DUOX2: variants seen among roughly 807,000 people sequenced by gnomAD.
DUOX2 encodes NADH/NADPH thyroid oxidase p138-tox.
DUOX2 carries 185 observed loss-of-function variants against 183.3 expected under a neutral mutation model. That is an observed-to-expected ratio of 1.01 (90% confidence interval 0.90 to 1.14). The LOEUF (loss-of-function observed/expected upper bound fraction) is 1.14. DUOX2 is among the 50% of genes most tolerant of loss of function. The pLI, the probability that DUOX2 is intolerant of heterozygous loss-of-function variation, is 0.00. For synonymous variants in DUOX2, 788 were observed against 812.4 expected (o/e 0.97, Z 0.51); for missense variants, 1,999 against 2,022.9 (o/e 0.99, Z 0.23).
At chr15:45,094,775 G>T in intron 32 of DUOX2, 84 bp from the exon 33 acceptor site, 2 of 1,601,212 alleles carry the variant, frequency 1.2e-6, no homozygotes, top group South Asian at 2.2e-5. Context: ...AAGAGACAGA[G>T]AATGGGGAGG....
At chr15:45,100,491 T>A (rs889702369) in intron 23 of DUOX2, 2 of 610,138 alleles carry the variant, frequency 3.3e-6, no homozygotes, top group Non-Finnish European at 5.8e-6. Context: ...AGCACAGGCC[T>A]CAAGGCTGTG....
At chr15:45,101,753 GC>G (rs528107598) in intron 21 of DUOX2, 39 bp downstream of exon 21, 35 of 1,613,118 alleles carry the variant, frequency 2.2e-5, no homozygotes, top group African/African-American at 8.0e-5. Flanking sequence ...TTGAGGACAC[GC>G]CCCCCCTCCC....
chr15:45,106,290 G>A lies in DUOX2; in HGVS notation c.1983C>T (p.Pro661=). Residue 661 remains proline (P), a synonymous_variant, in exon 17 of 34, where the codon CCC becomes CCT. Transcript: ENST00000389039. ...TGTCTGACAGCAGCTGGATGATGAT[G>A]GGACTGCTCCTCTCCTTGGGGCCTG... ...EWPGPKERSS[P]IIIQLLSDRC... 6.2e-7 allele frequency: 1 copy of A among 1,614,152 alleles called. No homozygotes were observed. Among genetic ancestry groups the A allele is most frequent in the East Asian group, 2.2e-5 (1 of 44,866 alleles).
At chr15:45,105,063 T>C (rs1894178372) in intron 18 of DUOX2, among the ~76,000 whole-genome samples, 2 of 152,180 alleles carry the variant, frequency 1.3e-5, no homozygotes, top group African/African-American at 4.8e-5. Context: ...TTAGGTGATC[T>C]GCCCGCCTCA....
rs1402755021 is a variant in DUOX2, at chr15:45,106,808, CAG to C, written c.1831+22_1831+23del. On this transcript the variant is annotated intron_variant, in intron 15 of 33. Transcript: ENST00000389039. ...GGAAATGAGGGGCAGGGCCAGTCTG[CAG>C]AGAGGCTGCCTAAGAGCTCACCTAA... The C allele has an allele frequency of 1.9e-6, 3 of 1,598,164 alleles. No homozygotes were observed. In the East Asian group the frequency reaches 6.7e-5, roughly 36 times the overall value.
rs534761568 is a variant in DUOX2 at position 45,112,846 on chromosome 15, C to T, written c.161-128G>A. ...GAACCTTCCCTCAAGGGTCTCTTGGCCCCGGGAGCGCATAAGATTGCGCTG... is the reference window on the plus strand; with the variant it reads ...GAACCTTCCCTCAAGGGTCTCTTGGTCCCGGGAGCGCATAAGATTGCGCTG... On this transcript the variant is annotated intron_variant, in intron 3 of 33. Transcript: ENST00000389039. 2.1e-5 allele frequency: 32 copies of T among 1,551,036 alleles called. No individual in the cohort carries two copies. In the East Asian group the frequency reaches 5.9e-4, roughly 28 times the overall value.
chr15:45,108,985 TG>T, intron 11 of DUOX2, 33 bp from the exon 12 acceptor site: 1 of 1,613,378 alleles, frequency 6.2e-7, no homozygotes, highest in Non-Finnish European at 8.5e-7. Context: ...CTATGGGCTT[TG>T]TCCTCTCCAT....
rs1894271145 is a variant in DUOX2 at position 45,108,057 on chromosome 15, T to C, written c.1564A>G (p.Thr522Ala). The change falls in exon 13 of 34, where the codon ACC becomes GCC. Residue 522 changes from threonine (T) to alanine (A), a missense_variant. By Grantham distance (58) the Thr-to-Ala change is moderately conservative. This residue lies in a region of DUOX2 where 1,628 missense variants were observed against 1,608.6 expected (regional missense o/e 1.01). Transcript: ENST00000389039. Reference protein sequence around the residue: ...RDGDRYWFENTRNGLFSKKEI... With the variant: ...RDGDRYWFENARNGLFSKKEI... ...CCAGGCAAGCCTTACCCATTCCTGG[T>C]GTTCTCAAACCAGTAGCGGTCACCA... is the stretch of plus-strand genomic sequence containing the variant. 3 of 1,613,876 alleles carry C rather than the reference T, an allele frequency of 1.9e-6. No homozygotes were observed. Among genetic ancestry groups the C allele is most frequent in the African/African-American group, 1.3e-5 (1 of 74,920 alleles).
At chr15:45,113,887 C>G (rs1894526796) in intron 1 of DUOX2, 86 bp downstream of exon 1, 1 of 205,580 alleles carries the variant, frequency 4.9e-6, no homozygotes, top group Non-Finnish European at 1.0e-5. Flanking sequence ...AATGAATCCC[C>G]CCTTCCCCAA....
intron 4 of DUOX2, among the ~76,000 whole-genome samples, chr15:45,112,291 C>T (rs1448176785): frequency 6.6e-6 from 1 of 152,236 alleles, no homozygotes; most frequent in East Asian, 1.9e-4. Flanking sequence ...CTGGGGAGCT[C>T]AGTTCCCAAG....
chr15:45,098,583 C>T (rs975442615), intron 26 of DUOX2, among the ~76,000 whole-genome samples: 1 of 152,210 alleles, frequency 6.6e-6, no homozygotes, highest in Non-Finnish European at 1.5e-5. Flanking sequence ...TCCCAAACAC[C>T]TTTCCTGGCC....
Position 45,112,621 on chromosome 15 carries a change from G to C in DUOX2, c.258C>G (p.Asn86Lys), listed in dbSNP as rs1320641784. 1.9e-6 allele frequency: 3 copies of C among 1,612,710 alleles called. No individual in the cohort carries two copies. The highest frequency in any genetic ancestry group is 1.3e-5 in the African/African-American group (1 of 74,930). ...PQLPNPRRLS[N>K]AATRGIAGLP... ...GGCCGGCTATGCCCCGCGTGGCTGC[G>C]TTGCTGAGCCGGCGCGGGTTGGGCA... Residue 86 changes from asparagine (N) to lysine (K), a missense_variant, in exon 4 of 34, where the codon AAC (asparagine) becomes AAG (lysine). Coordinates refer to ENST00000389039, the MANE Select transcript of DUOX2 (RefSeq NM_001363711.2).
chr15:45,101,965 G>T lies in DUOX2; in HGVS notation c.2679C>A (p.Asn893Lys). 1.9e-6 allele frequency: 3 copies of T among 1,614,236 alleles called. No homozygotes were observed. The highest frequency in any genetic ancestry group is 2.5e-6 in the Non-Finnish European group (3 of 1,180,054). The stretch of plus-strand genomic sequence containing the variant: ...CGGCCAGCTGGGCCTTGGACAGGCA[G>T]TTGTTGGAGATCTCGATGAAGGATC... ...MMRSFIEISN[N>K]CLSKAQLAEV... The change falls in exon 21 of 34, where the codon AAC becomes AAA. Residue 893 changes from asparagine to lysine, a missense_variant. By Grantham distance (94) the Asn-to-Lys change is moderately conservative. This residue lies in a region of DUOX2 where 1,628 missense variants were observed against 1,608.6 expected (regional missense o/e 1.01). Coordinates refer to ENST00000389039, the MANE Select transcript of DUOX2 (RefSeq NM_001363711.2).
rs770518456 is a variant in DUOX2, at chr15:45,111,542, C to A, written c.557G>T (p.Gly186Val). ...TGWLDGSAIY[G>V]SSHSWSDALR... ...CGCGTCGCTCCAGGAGTGCGAGGAG[C>A]CATAGATGGCGCTGCCGTCCAGCCA... Residue 186 changes from glycine (G) to valine (V), a missense_variant, in exon 6 of 34, where the codon GGC becomes GTC. By Grantham distance (109) the Gly-to-Val change is moderately radical (BLOSUM62 -3). Coordinates refer to ENST00000389039, the MANE Select transcript of DUOX2 (RefSeq NM_001363711.2). The A allele has an allele frequency of 3.5e-5, 54 of 1,553,804 alleles. No homozygotes were observed. Among genetic ancestry groups the A allele is most frequent in the Non-Finnish European group, 4.4e-5 (51 of 1,153,380 alleles).
rs749661602 is a variant in DUOX2, at chr15:45,101,207, C to T, written c.2919G>A (p.Glu973=). ...RVSFITRTPG[E]RSHPQGLGPP... The stretch of plus-strand genomic sequence containing the variant: ...GCCAGAGCCCCATTCCTGCTCACCG[C>T]TCCCCAGGTGTCCGAGTGATGAACG... Residue 973 remains glutamate, a splice_region_variant and synonymous_variant, in exon 22 of 34, where the codon GAG becomes GAA. Coordinates refer to ENST00000389039, the MANE Select transcript of DUOX2 (RefSeq NM_001363711.2). 5.6e-6 allele frequency: 9 copies of T among 1,613,586 alleles called. No individual in the cohort carries two copies. The highest frequency in any genetic ancestry group is 7.6e-6 in the Non-Finnish European group (9 of 1,179,820).
chr15:45,097,416 A>T, intron 28 of DUOX2, 25 bp from the exon 29 acceptor site: 3 of 1,614,076 alleles, frequency 1.9e-6, no homozygotes, highest in Non-Finnish European at 2.5e-6. Flanking sequence ...AGTTAGTACA[A>T]CTCAGGCCCA....
intron 13 of DUOX2, 128 bp downstream of exon 13, chr15:45,107,919 G>A: frequency 1.1e-6 from 1 of 885,822 alleles, no homozygotes; most frequent in East Asian, 2.5e-5. Flanking sequence ...GAGAGACCCA[G>A]AGGGGTTGGG....
At position 45,106,879 on chromosome 15, in the gene DUOX2, C is replaced by G; in HGVS notation, c.1784G>C (p.Ser595Thr). Residue 595 changes from serine (S) to threonine (T), a missense_variant, in exon 15 of 34, where the codon AGC becomes ACC. Transcript: ENST00000389039. The stretch of plus-strand genomic sequence containing the variant: ...AATGATGGTGATGGCAAAACCAGGG[C>G]TGCTGCCTTCAAAGAAGTCAAGCAC... Reference protein sequence around the residue: ...LTVLDFFEGSSPGFAITIIAL... With the variant: ...LTVLDFFEGSTPGFAITIIAL... 2.5e-6 allele frequency: 4 copies of G among 1,587,888 alleles called. No homozygotes were observed. The highest frequency in any genetic ancestry group is 3.4e-6 in the Non-Finnish European group (4 of 1,167,814).
chr15:45,098,138 C>T, intron 26 of DUOX2, 80 bp from the exon 27 acceptor site: 1 of 1,379,818 alleles, frequency 7.2e-7, no homozygotes, highest in South Asian at 1.2e-5. Flanking sequence ...TGACTCCTTT[C>T]CTGCTGGCCC....
Sources: gnomAD v4.1 joint callset for allele counts (sites outside exome capture counted in the v4.1 genomes callset) on GRCh38, gnomAD v4.1.1 for gene constraint, gnomAD v4.1.1 regional missense constraint, MANE v1.5 for transcripts, NCBI Gene and HGNC (gene_info 2026-07-23, HGNC 2026-07-21) for gene names.